The following ANXA10 variants were observed in gnomAD, a reference collection of about 807,000 sequenced individuals.
The protein encoded by ANXA10 is annexin A10, also known as annexin 14.
A neutral mutation model predicts 53.5 loss-of-function variants in ANXA10; 49 were observed. The ratio of observed to expected loss-of-function variants is 0.92; its 90% CI spans 0.73 to 1.16. ANXA10 has a LOEUF of 1.16. Among genes scored for constraint, ANXA10 ranks in the 50% most tolerant of loss-of-function variants. The pLI is 0.00. For missense variants in ANXA10, 393 were observed against 394.4 expected (o/e 1.00, Z 0.03); for synonymous variants, 131 against 128.9 (o/e 1.02, Z -0.11).
chr4:168,096,911 C>CATATATATATATATATAT lies in ANXA10; in HGVS notation c.18+4194_18+4211dup, dbSNP rs35451323. On this transcript the variant is annotated intron_variant, in intron 1 of 11. Transcript: ENST00000359299. ...TTTGTATCCATTACTAATACAAATG[C>CATATATATATATATATAT]ATATATATATATATATATGTATGTA... Among the ~76,000 whole-genome samples the CATATATATATATATATAT allele has an allele frequency of 4.9e-3, 541 of 109,594 alleles. 12 individuals are homozygous for CATATATATATATATATAT. The highest frequency in any genetic ancestry group is 0.017 in the African/African-American group (325 of 19,640). 71.9% of individuals were successfully genotyped at this position (109,594 alleles called of 152,430 possible).
chr4:168,174,156 A>G (rs933022229), intron 6 of ANXA10, among the ~76,000 whole-genome samples: 2 of 152,144 alleles, frequency 1.3e-5, no homozygotes, highest in Non-Finnish European at 2.9e-5. Context: ...GGGACCTGCC[A>G]AACAGTGAGT....
chr4:168,185,027 G>A (rs769798631), intron 11 of ANXA10, among the ~76,000 whole-genome samples: 2 of 152,222 alleles, frequency 1.3e-5, no homozygotes, highest in Non-Finnish European at 1.5e-5. Context: ...GGTGGCACAC[G>A]CCTGTAGTCC....
intron 1 of ANXA10, among the ~76,000 whole-genome samples, chr4:168,106,611 G>A (rs1730723403): frequency 6.6e-6 from 1 of 152,084 alleles, no homozygotes; most frequent in Admixed American, 6.6e-5. Flanking sequence ...GTGTGAAGTA[G>A]GGGAGTTAAA....
rs144995120 is a variant in ANXA10, at chr4:168,140,141, C to T, written c.195+561C>T. Among the ~76,000 whole-genome samples the T allele has an allele frequency of 9.0e-3, 1,372 of 152,298 alleles. 11 individuals are homozygous for T. The highest frequency in any genetic ancestry group is 0.015 in the Non-Finnish European group (1,047 of 68,020). ...ACTATCCATAGTGTTTTAAAGTAAT[C>T]ATACTCTAATTTCAAAGCAAGTACC... On this transcript the variant is annotated intron_variant, in intron 3 of 11. Coordinates refer to ENST00000359299, the MANE Select transcript of ANXA10 (RefSeq NM_007193.5).
At chr4:168,155,072 A>G (rs1320231056) in intron 3 of ANXA10, among the ~76,000 whole-genome samples, 3 of 151,754 alleles carry the variant, frequency 2.0e-5, no homozygotes, top group Admixed American at 6.6e-5. Context: ...TATACTTCAC[A>G]GGCACGTTTC....
chr4:168,135,489 T>C (rs1052266110), intron 2 of ANXA10, among the ~76,000 whole-genome samples: 2 of 152,338 alleles, frequency 1.3e-5, no homozygotes, highest in East Asian at 1.9e-4. Context: ...GTTAGGAGCC[T>C]GTAGTTGGGA....
chr4:168,128,116 C>T lies in ANXA10; in HGVS notation c.51C>T (p.Phe17=). The change falls in exon 2 of 12, where the codon TTC becomes TTT. Residue 17 remains phenylalanine, a synonymous_variant. Coordinates refer to ENST00000359299, the MANE Select transcript of ANXA10 (RefSeq NM_007193.5). ...GAACCATCTTCCCAGCTCCCAATTT[C>T]AATCCCATAATGGATGCCCAAATGC... The part of the protein sequence containing the change: ...VQGTIFPAPN[F]NPIMDAQMLG... The T allele has an allele frequency of 6.2e-7, 1 of 1,613,576 alleles. No homozygotes were observed. Among genetic ancestry groups the T allele is most frequent in the Non-Finnish European group, 8.5e-7 (1 of 1,179,710 alleles).
intron 3 of ANXA10, among the ~76,000 whole-genome samples, chr4:168,149,075 C>T (rs1020913171): frequency 3.9e-5 from 6 of 152,042 alleles, no homozygotes; most frequent in Admixed American, 1.3e-4. Context: ...CTGTTATTCT[C>T]TGGATGCTTT....
intron 3 of ANXA10, among the ~76,000 whole-genome samples, chr4:168,155,643 AT>A (rs1716308353): frequency 2.8e-5 from 2 of 72,318 alleles, no homozygotes; most frequent in Non-Finnish European, 4.8e-5. Flanking sequence ...ATTATATATA[AT>A]TATACATTAT....
intron 8 of ANXA10, among the ~76,000 whole-genome samples, chr4:168,178,773 C>T (rs1732183328): frequency 6.6e-6 from 1 of 152,156 alleles, no homozygotes; most frequent in Non-Finnish European, 1.5e-5. Context: ...TTTCATATTT[C>T]TCAGAATATT....
At chr4:168,136,021 C>G (rs187205768) in intron 2 of ANXA10, among the ~76,000 whole-genome samples, 8 of 152,156 alleles carry the variant, frequency 5.3e-5, no homozygotes, top group African/African-American at 1.9e-4. Flanking sequence ...TCCTACATGG[C>G]CTTCCTACAA....
intron 1 of ANXA10, among the ~76,000 whole-genome samples, chr4:168,102,284 A>G (rs1334728948): frequency 6.6e-6 from 1 of 152,122 alleles, no homozygotes; most frequent in East Asian, 1.9e-4. Context: ...TACATTTAAC[A>G]AAATGTGCTT....
chr4:168,124,383 C>T (rs1012523714), intron 1 of ANXA10, among the ~76,000 whole-genome samples: 5 of 151,778 alleles, frequency 3.3e-5, no homozygotes, highest in African/African-American at 7.3e-5. Context: ...CTGTGAGTCA[C>T]GGTGTAGGAA....
At chr4:168,107,257 G>A (rs1730733540) in intron 1 of ANXA10, among the ~76,000 whole-genome samples, 1 of 152,114 alleles carries the variant, frequency 6.6e-6, no homozygotes, top group South Asian at 2.1e-4. Flanking sequence ...AATAAAAGGG[G>A]GCAACAGAGT....
At chr4:168,165,078 T>C (rs1288088117) in intron 5 of ANXA10, 169 bp from the exon 6 acceptor site, 7 of 412,424 alleles carry the variant, frequency 1.7e-5, no homozygotes, top group Non-Finnish European at 2.7e-5. Context: ...ATGTTACCAT[T>C]AGGTGACAGA....
At chr4:168,150,682 C>T (rs1288332283) in intron 3 of ANXA10, among the ~76,000 whole-genome samples, 1 of 152,130 alleles carries the variant, frequency 6.6e-6, no homozygotes, top group Non-Finnish European at 1.5e-5. Flanking sequence ...CATACCTCTC[C>T]ACAGGACCCA....
chr4:168,135,211 A>G (rs555567566), intron 2 of ANXA10, among the ~76,000 whole-genome samples: 15 of 152,358 alleles, frequency 9.8e-5, no homozygotes, highest in African/African-American at 3.4e-4. Context: ...CAGGGAGGGC[A>G]TTGGTCAATG....
intron 1 of ANXA10, among the ~76,000 whole-genome samples, chr4:168,096,428 G>A (rs1466133440): frequency 6.6e-6 from 1 of 152,120 alleles, no homozygotes; most frequent in African/African-American, 2.4e-5. Flanking sequence ...AACTTCTGTA[G>A]AACTAATAAG....
chr4:168,135,701 C>T (rs1560968025), intron 2 of ANXA10, among the ~76,000 whole-genome samples: 1 of 152,084 alleles, frequency 6.6e-6, no homozygotes, highest in Admixed American at 6.5e-5. Context: ...GATAGGTGTT[C>T]CATGAAAAGC....
Sources: allele counts gnomAD v4.1 joint callset (sites outside exome capture counted in the v4.1 genomes callset), GRCh38; gene constraint gnomAD v4.1.1; transcripts MANE v1.5; gene names NCBI Gene and HGNC (gene_info 2026-07-23, HGNC 2026-07-21).